ESYT3: variants seen among roughly 807,000 people sequenced by gnomAD.
The protein encoded by ESYT3 is extended synaptotagmin 3.
A neutral mutation model predicts 111.5 loss-of-function variants in ESYT3; 101 were observed. That is an observed-to-expected ratio of 0.91 (90% CI 0.77 to 1.07). ESYT3 has a LOEUF of 1.07. Ranked by LOEUF, ESYT3 falls within the 50% of genes least tolerant of loss-of-function variation. The pLI, the probability that ESYT3 is intolerant of heterozygous loss-of-function variation, is 0.00. For missense variants in ESYT3, 1,097 were observed against 1,109.4 expected (o/e 0.99, Z 0.16); for synonymous variants, 416 against 446.8 (o/e 0.93, Z 0.87).
chr3:138,444,024 A>G (rs192093099), intron 1 of ESYT3, among the ~76,000 whole-genome samples: 1 of 152,196 alleles, frequency 6.6e-6, no homozygotes, highest in Non-Finnish European at 1.5e-5. Context: ...AGGGCTTAAG[A>G]AATAATGCAC....
At chr3:138,470,308 TAA>T (rs1194919926) in intron 16 of ESYT3, 162 bp downstream of exon 16, 2 of 1,354,848 alleles carry the variant, frequency 1.5e-6, no homozygotes, top group Admixed American at 5.8e-5. Flanking sequence ...CTCATCTCCT[TAA>T]GGCTAGTGCC....
At chr3:138,466,870 G>A (rs2032952979) in intron 10 of ESYT3, among the ~76,000 whole-genome samples, 1 of 152,164 alleles carries the variant, frequency 6.6e-6, no homozygotes, top group African/African-American at 2.4e-5. Context: ...CAAGAGAGAA[G>A]GGAGCAACAG....
In ESYT3 at chr3:138,452,088, AGGTAAGGCCGCT is replaced by A. The variant is rs769760383; in HGVS notation, c.369+2_369+13del. On this transcript the variant is annotated splice_donor_variant and splice_donor_5th_base_variant and coding_sequence_variant and intron_variant, in exon 2 of 23. Coordinates refer to ENST00000389567, the MANE Select transcript of ESYT3 (RefSeq NM_031913.5). LOFTEE classifies it high-confidence loss of function. ...GTGGAGCGGGTCGAGTGGGCCAACAAGGTAAGGCCGCTGGCAGGGCCTAGCAGGGCCGGACGC... is the reference window on the plus strand; with the variant it reads ...GTGGAGCGGGTCGAGTGGGCCAACAAGGCAGGGCCTAGCAGGGCCGGACGC... The A allele has an allele frequency of 1.6e-5, 26 of 1,607,362 alleles. No individual in the cohort carries two copies. The Admixed American group carries it at 4.4e-4, about 27-fold the overall frequency.
In ESYT3 at chr3:138,479,631, AAT is replaced by A. The variant is rs2033637191; in HGVS notation, c.*2778_*2779del. The A allele has an allele frequency of 6.6e-6, 1 of 152,130 alleles. No individual in the cohort carries two copies. Among genetic ancestry groups the A allele is most frequent in the Admixed American group, 6.6e-5 (1 of 15,262 alleles). The allele number at this position is 152,130 out of a possible 1,614,324, so 9.4% of individuals were successfully genotyped here. Reference sequence around the variant, plus strand: ...TTGGCATACAGAGCTGTTCTCAATCAATCACCTAAGTACCCCCACAGTTTACC... The same window carrying A: ...TTGGCATACAGAGCTGTTCTCAATCACACCTAAGTACCCCCACAGTTTACC... On this transcript the variant is annotated 3_prime_UTR_variant, in exon 23 of 23. Transcript: ENST00000389567.
chr3:138,475,988 G>A (rs1019256577), intron 20 of ESYT3, among the ~76,000 whole-genome samples: 1 of 152,196 alleles, frequency 6.6e-6, no homozygotes, highest in African/African-American at 2.4e-5. Context: ...AGCCACAGCA[G>A]TCTGAGGCAC....
In ESYT3 at chr3:138,472,720, C is replaced by A; in HGVS notation, c.2098C>A (p.Pro700Thr). Residue 700 changes from proline (P) to threonine (T), a missense_variant, in exon 18 of 23, where the codon CCC becomes ACC. Pro to Thr is a conservative substitution (Grantham distance 38, BLOSUM62 -1). Coordinates refer to ENST00000389567, the MANE Select transcript of ESYT3 (RefSeq NM_031913.5). ...LTVPGPHSPGPIKSPRPMKCP... is the reference protein window; with the variant it reads ...LTVPGPHSPGTIKSPRPMKCP... ...TGTCCCAGGTCCCCACTCTCCAGGG[C>A]CCATCAAGTCACCCAGACCCATGAA... 6.2e-7 allele frequency: 1 copy of A among 1,614,198 alleles called. No homozygotes were observed. Among genetic ancestry groups the A allele is most frequent in the Non-Finnish European group, 8.5e-7 (1 of 1,180,028 alleles).
intron 7 of ESYT3, among the ~76,000 whole-genome samples, chr3:138,461,233 A>T (rs1408159632): frequency 2.0e-5 from 3 of 152,090 alleles, no homozygotes; most frequent in Non-Finnish European, 4.4e-5. Context: ...CTTCCAAACC[A>T]AGTGTGTGGT....
At chr3:138,438,814 C>A (rs1342608389) in intron 1 of ESYT3, among the ~76,000 whole-genome samples, 1 of 152,224 alleles carries the variant, frequency 6.6e-6, no homozygotes, top group Non-Finnish European at 1.5e-5. Context: ...AGGAAGAATT[C>A]TCCTTACTAG....
In ESYT3 at chr3:138,462,086, T is replaced by C; in HGVS notation, c.795T>C (p.Asn265=). Residue 265 remains asparagine (N), a splice_region_variant and synonymous_variant, in exon 8 of 23, where the codon AAT becomes AAC. Coordinates refer to ENST00000389567, the MANE Select transcript of ESYT3 (RefSeq NM_031913.5). Reference sequence around the variant, plus strand: ...ACAGCTGGTCCTGCCTTGTGTCCAGTGATGTGTCAGACAGCTTACTGGAGG... The same window carrying C: ...ACAGCTGGTCCTGCCTTGTGTCCAGCGATGTGTCAGACAGCTTACTGGAGG... ...LTNLLDAPGI[N]DVSDSLLEDL... The C allele has an allele frequency of 1.2e-6, 2 of 1,613,930 alleles. No individual in the cohort carries two copies. Among genetic ancestry groups the C allele is most frequent in the Non-Finnish European group, 1.7e-6 (2 of 1,179,964 alleles).
intron 1 of ESYT3, among the ~76,000 whole-genome samples, chr3:138,438,623 G>C (rs1388090595): frequency 1.3e-5 from 2 of 152,158 alleles, no homozygotes; most frequent in African/African-American, 4.8e-5. Context: ...GCTCCAAGAT[G>C]CTACCTCCAG....
chr3:138,481,270 T>C (rs563705026), downstream of ESYT3: 14 of 152,310 alleles, frequency 9.2e-5, no homozygotes, highest in African/African-American at 3.4e-4. Context: ...GCTGGTGCGG[T>C]GGCACACACT....
At chr3:138,454,283 A>C (rs934405829) in intron 2 of ESYT3, among the ~76,000 whole-genome samples, 5 of 151,588 alleles carry the variant, frequency 3.3e-5, no homozygotes, top group Non-Finnish European at 7.4e-5. Context: ...CACACCTGTA[A>C]TCCCAGCACT....
intron 2 of ESYT3, 52 bp downstream of exon 2, chr3:138,452,141 TC>T (rs1474715701): frequency 4.4e-6 from 7 of 1,573,790 alleles, no homozygotes; most frequent in Non-Finnish European, 6.0e-6. Flanking sequence ...AGCCTCGTCC[TC>T]CCCGCGGCTG....
chr3:138,451,621 T>TA (rs1402293065), intron 1 of ESYT3, among the ~76,000 whole-genome samples: 1 of 152,154 alleles, frequency 6.6e-6, no homozygotes, highest in Non-Finnish European at 1.5e-5. Flanking sequence ...AACAAGCAGT[T>TA]TCCAGCCCTC....
intron 1 of ESYT3, among the ~76,000 whole-genome samples, chr3:138,448,062 T>G (rs1182802369): frequency 1.3e-5 from 2 of 151,584 alleles, no homozygotes; most frequent in Non-Finnish European, 2.9e-5. Flanking sequence ...GTTCAGGAGT[T>G]CGAGACCAGC....
At chr3:138,447,597 A>C (rs2108598714) in intron 1 of ESYT3, among the ~76,000 whole-genome samples, 1 of 152,328 alleles carries the variant, frequency 6.6e-6, no homozygotes, top group South Asian at 2.1e-4. Flanking sequence ...AACATAAAAG[A>C]GCCAACAGAT....
At chr3:138,449,631 A>T (rs1160039813) in intron 1 of ESYT3, among the ~76,000 whole-genome samples, 2 of 152,140 alleles carry the variant, frequency 1.3e-5, no homozygotes. Context: ...GGGTCGAGAG[A>T]TCAGAACTAC....
intron 1 of ESYT3, among the ~76,000 whole-genome samples, chr3:138,439,656 T>C (rs941240515): frequency 3.9e-5 from 6 of 152,174 alleles, no homozygotes; most frequent in South Asian, 2.1e-4. Flanking sequence ...AACTGGATGA[T>C]TGGGTTGCTT....
At chr3:138,458,588 C>T (rs1369555559) in intron 4 of ESYT3, among the ~76,000 whole-genome samples, 1 of 152,250 alleles carries the variant, frequency 6.6e-6, no homozygotes, top group Non-Finnish European at 1.5e-5. Flanking sequence ...TCCTTCAGTG[C>T]TTTCACAGGA....
Sources: allele counts gnomAD v4.1 joint callset (sites outside exome capture counted in the v4.1 genomes callset), GRCh38; gene constraint gnomAD v4.1.1; transcripts MANE v1.5; gene names NCBI Gene and HGNC (gene_info 2026-07-23, HGNC 2026-07-21).